Variants in APP observed in about 807,000 individuals in gnomAD.
APP encodes the protein amyloid beta precursor protein, also known as amyloid-beta precursor protein.
Under a neutral mutation model 101.4 loss-of-function variants are expected in APP, and 31 were observed. That is an observed-to-expected ratio of 0.31 (90% CI 0.23 to 0.41). APP has a LOEUF of 0.41. APP is among the 10% of genes least tolerant of loss of function. The pLI, the probability that APP is intolerant of heterozygous loss-of-function variation, is 1.00. For missense variants in APP, 839 were observed against 1,003.7 expected (o/e 0.84, Z 2.22); for synonymous variants, 366 against 364.4 (o/e 1.00, Z -0.05).
intron 13 of APP, among the ~76,000 whole-genome samples, chr21:25,926,645 C>T (rs1317921308): frequency 6.6e-6 from 1 of 152,076 alleles, no homozygotes; most frequent in African/African-American, 2.4e-5. Context: ...AATCTGAACC[C>T]AAGTATCCCA....
At chr21:25,886,730 A>G (rs1176798071) in intron 17 of APP, among the ~76,000 whole-genome samples, 2 of 151,516 alleles carry the variant, frequency 1.3e-5, no homozygotes, top group Non-Finnish European at 2.9e-5. Flanking sequence ...TGATCTTCCA[A>G]TTTCTCTTCC....
At chr21:26,088,786 G>C (rs1334257194) in intron 3 of APP, among the ~76,000 whole-genome samples, 2 of 152,136 alleles carry the variant, frequency 1.3e-5, no homozygotes, top group African/African-American at 4.8e-5. Context: ...AAGGAATAAG[G>C]AGGAAAAAGG....
At chr21:26,111,924 T>G in intron 2 of APP, 55 bp downstream of exon 2, 1 of 1,602,396 alleles carries the variant, frequency 6.2e-7, no homozygotes, top group East Asian at 2.2e-5. Flanking sequence ...TTAAATTTTT[T>G]GAAAACAAAT....
At chr21:25,987,035 T>C (rs938408753) in intron 8 of APP, among the ~76,000 whole-genome samples, 2 of 152,278 alleles carry the variant, frequency 1.3e-5, no homozygotes, top group Non-Finnish European at 2.9e-5. Context: ...TCCATCCACA[T>C]GCTGGGGCAC....
chr21:25,921,552 C>T (rs1410173413), intron 13 of APP, among the ~76,000 whole-genome samples: 3 of 146,886 alleles, frequency 2.0e-5, no homozygotes, highest in Admixed American at 6.8e-5. Context: ...ATATCACCAC[C>T]GATCCCACAG....
intron 1 of APP, among the ~76,000 whole-genome samples, chr21:26,165,812 T>C (rs139086229): frequency 6.6e-6 from 1 of 152,344 alleles, no homozygotes; most frequent in African/African-American, 2.4e-5. Flanking sequence ...ATTTAATACA[T>C]GTGAACCTGA....
At chr21:26,135,656 T>A (rs578103298) in intron 1 of APP, among the ~76,000 whole-genome samples, 3 of 152,240 alleles carry the variant, frequency 2.0e-5, no homozygotes, top group Admixed American at 6.5e-5. Context: ...GAGGCCTCCA[T>A]CAGAGGTTAA....
intron 8 of APP, among the ~76,000 whole-genome samples, chr21:25,995,200 A>T (rs941603177): frequency 6.6e-6 from 1 of 152,248 alleles, no homozygotes; most frequent in African/African-American, 2.4e-5. Context: ...AAAATGGAAA[A>T]ATAGAATTCT....
At chr21:25,953,673 C>T (rs1274873871) in intron 13 of APP, among the ~76,000 whole-genome samples, 2 of 152,200 alleles carry the variant, frequency 1.3e-5, no homozygotes, top group African/African-American at 4.8e-5. Context: ...CCAACATAAT[C>T]GTCATCTATG....
chr21:26,084,217 G>T (rs2061654671), intron 3 of APP, among the ~76,000 whole-genome samples: 1 of 142,610 alleles, frequency 7.0e-6, no homozygotes, highest in Non-Finnish European at 1.5e-5. Flanking sequence ...GACCTACCTA[G>T]AAGGGCTCCA....
chr21:26,152,284 C>CAAA lies in APP; in HGVS notation c.57+18277_57+18279dup, dbSNP rs1161739630. On this transcript the variant is annotated intron_variant, in intron 1 of 17. Transcript: ENST00000346798. ...TGGGCGACAGAGCAAGACTCCATCT[C>CAAA]AAAAAAAAAAAAAAAAAAAAAAATG... 3.0e-3 allele frequency among the ~76,000 whole-genome samples: 108 copies of CAAA among 36,132 alleles called. 14 individuals carry two copies. The highest frequency in any genetic ancestry group is 4.8e-3 in the African/African-American group (33 of 6,820). The allele number at this position is 36,132 out of a possible 152,430, so 23.7% of individuals were successfully genotyped here.
intron 1 of APP, among the ~76,000 whole-genome samples, chr21:26,166,509 C>G (rs1281495639): frequency 2.0e-5 from 3 of 152,164 alleles, no homozygotes. Context: ...CCAATCTCCT[C>G]TGTTCAACTC....
At chr21:26,002,749 A>G (rs1193012593) in intron 6 of APP, among the ~76,000 whole-genome samples, 1 of 152,206 alleles carries the variant, frequency 6.6e-6, no homozygotes, top group African/African-American at 2.4e-5. Context: ...TTGGCAATTT[A>G]TGCTGACCCT....
intron 2 of APP, among the ~76,000 whole-genome samples, chr21:26,092,748 T>G (rs2061852074): frequency 6.6e-6 from 1 of 152,116 alleles, no homozygotes. Flanking sequence ...TGGGGGATGT[T>G]TATAATAGGA....
intron 5 of APP, among the ~76,000 whole-genome samples, chr21:26,043,906 A>T (rs1180169528): frequency 6.6e-6 from 1 of 152,178 alleles, no homozygotes; most frequent in Non-Finnish European, 1.5e-5. Context: ...CTTGTACTTA[A>T]CCATGAGTCT....
chr21:26,013,772 C>T (rs2043925785), intron 6 of APP, among the ~76,000 whole-genome samples: 1 of 151,996 alleles, frequency 6.6e-6, no homozygotes, highest in Non-Finnish European at 1.5e-5. Flanking sequence ...GGCTCTATTC[C>T]CTAGTCTCAT....
At chr21:25,905,655 T>G (rs1022520432) in intron 14 of APP, among the ~76,000 whole-genome samples, 2 of 152,208 alleles carry the variant, frequency 1.3e-5, no homozygotes, top group African/African-American at 4.8e-5. Context: ...TTTTTCTCAC[T>G]TTTTCAAAAA....
At chr21:25,907,968 T>C (rs2038876883) in intron 14 of APP, among the ~76,000 whole-genome samples, 1 of 152,240 alleles carries the variant, frequency 6.6e-6, no homozygotes, top group African/African-American at 2.4e-5. Context: ...TAAGACCTGC[T>C]TTGTCTCTTT....
intron 1 of APP, among the ~76,000 whole-genome samples, chr21:26,118,698 G>A (rs560793946): frequency 2.0e-5 from 3 of 152,164 alleles, no homozygotes; most frequent in Admixed American, 6.5e-5. Flanking sequence ...GACTACAGGC[G>A]TGCACCACTA....
Sources: allele counts gnomAD v4.1 joint callset (sites outside exome capture counted in the v4.1 genomes callset), GRCh38; gene constraint gnomAD v4.1.1; transcripts MANE v1.5; gene names NCBI Gene and HGNC (gene_info 2026-07-23, HGNC 2026-07-21).